The following DNAH12 variants were observed in gnomAD, a reference collection of about 807,000 sequenced individuals.
DNAH12 encodes dynein axonemal heavy chain 12, also known as axonemal beta dynein heavy chain 12.
DNAH12 carries 285 observed loss-of-function variants against 371.5 expected under a neutral mutation model. The observed-to-expected ratio is 0.77, with a 90% CI of 0.70 to 0.85. DNAH12 has a LOEUF of 0.85. Ranked by LOEUF, DNAH12 falls within the 40% of genes least tolerant of loss-of-function variation. The pLI is 0.00. For synonymous variants in DNAH12, 1,200 were observed against 1,213.0 expected, an observed-to-expected ratio of 0.99 and a Z score of 0.22; for missense variants, 3,611 against 3,689.4, an observed-to-expected ratio of 0.98 and a Z score of 0.55.
rs1326237791 is a variant in DNAH12, at chr3:57,389,839, T to TATATATATATATATAAAA, written c.7305+2032_7305+2033insTTTTATATATATATATAT. ...GTGTGTGTGTATATATATATATATATAATACTTTTTTTTTTGAAATGGAGT... is the reference window on the plus strand; with the variant it reads ...GTGTGTGTGTATATATATATATATATATATATATATATATAAAAAATACTTTTTTTTTTGAAATGGAGT... On this transcript the variant is annotated intron_variant, in intron 45 of 73. Coordinates refer to ENST00000495027, the MANE Select transcript of DNAH12 (RefSeq NM_001366028.2). 5.1e-4 allele frequency among the ~76,000 whole-genome samples: 43 copies of TATATATATATATATAAAA among 84,866 alleles called. 2 individuals are homozygous for TATATATATATATATAAAA. Among genetic ancestry groups the TATATATATATATATAAAA allele is most frequent in the Admixed American group, 2.7e-3 (21 of 7,846 alleles). 55.7% of individuals were successfully genotyped at this position (84,866 alleles called of 152,430 possible).
rs2065453667 is a variant in DNAH12 at position 57,445,405 on chromosome 3, T to C, written c.4194A>G (p.Thr1398=). Residue 1398 remains threonine, a synonymous_variant, in exon 28 of 74, where the codon ACA becomes ACG. Transcript: ENST00000495027. ...CATAGTTTGGAACCATCATAGCCAC[T>C]GTTCTAAAAAGAACCTGAAGTATAA... ...LPDNLKVLFR[T]VAMMVPNYAL... is the part of the protein sequence containing the mutation. 1 of 1,523,056 alleles carries C rather than the reference T, an allele frequency of 6.6e-7. No homozygotes were observed. 94.3% of individuals were successfully genotyped at this position (1,523,056 alleles called of 1,614,324 possible). A position where few individuals can be genotyped will look rare whatever the true frequency, so the allele number is the denominator to read the frequency against.
At position 57,500,807 on chromosome 3, in the gene DNAH12, G is replaced by T. The variant is rs115259666; in HGVS notation, c.1335+514C>A. ...TGTCTCGCCCTGTTGCCCAGCTGGA[G>T]TACAGTGGTGCAATCAGAGCTCACT... On this transcript the variant is annotated intron_variant, in intron 11 of 73. Coordinates refer to ENST00000495027, the MANE Select transcript of DNAH12 (RefSeq NM_001366028.2). 2.7e-3 allele frequency among the ~76,000 whole-genome samples: 406 copies of T among 152,208 alleles called. 5 individuals carry two copies. Among genetic ancestry groups the T allele is most frequent in the African/African-American group, 9.2e-3 (384 of 41,532 alleles).
At position 57,468,867 on chromosome 3, in the gene DNAH12, T is replaced by C; in HGVS notation, c.2218A>G (p.Lys740Glu). 1 of 1,526,046 alleles carries C rather than the reference T, an allele frequency of 6.6e-7. No homozygotes were observed. The highest frequency in any genetic ancestry group is 8.8e-7 in the Non-Finnish European group (1 of 1,141,182). The allele number at this position is 1,526,046 out of a possible 1,614,324, so 94.5% of individuals were successfully genotyped here. The change falls in exon 17 of 74, where the codon AAA becomes GAA. Residue 740 changes from lysine (K) to glutamate (E), a missense_variant. This residue lies in a region of DNAH12 where 1,314 missense variants were observed against 1,398.7 expected (regional missense o/e 0.94). Transcript: ENST00000495027. ...GCCTTTCTTTTTTCTTGTAATTCTT[T>C]CTTTAGCTTCGTTTGGAAAAATTTT... is the stretch of plus-strand genomic sequence containing the variant. ...TLKFFQTKLK[K>E]ELQEKRKAAR...
At chr3:57,331,203 C>A (rs1159973539) in intron 62 of DNAH12, among the ~76,000 whole-genome samples, 1 of 152,120 alleles carries the variant, frequency 6.6e-6, no homozygotes, top group East Asian at 1.9e-4. Flanking sequence ...GGTATATAAG[C>A]ACAGGCTTCC....
intron 5 of DNAH12, among the ~76,000 whole-genome samples, chr3:57,510,242 T>G (rs1422246448): frequency 6.6e-6 from 1 of 151,738 alleles, no homozygotes; most frequent in African/African-American, 2.4e-5. Flanking sequence ...CAAAGAGAAG[T>G]TAGCTAATAA....
chr3:57,500,761 T>C (rs1293655948), intron 11 of DNAH12, among the ~76,000 whole-genome samples: 1 of 152,066 alleles, frequency 6.6e-6, no homozygotes, highest in East Asian at 1.9e-4. Flanking sequence ...AGACAGTGCT[T>C]ATGCCTTTTT....
chr3:57,468,954 G>A lies in DNAH12; in HGVS notation c.2131C>T (p.Leu711Phe). Residue 711 changes from leucine (L) to phenylalanine (F), a missense_variant, in exon 17 of 74, where the codon CTC (leucine) becomes TTC (phenylalanine). By Grantham distance (22) the Leu-to-Phe change is conservative. Transcript: ENST00000495027. ...TCAGCCTCCATGCTTTCCCCATTGA[G>A]GTCCAAAAACCCTCCATCCATCCAC... ...KRWMDGGFLD[L>F]NGESMEADVE... 2 of 1,504,452 alleles carry A rather than the reference G, an allele frequency of 1.3e-6. No homozygotes were observed. Among genetic ancestry groups the A allele is most frequent in the East Asian group, 2.6e-5 (1 of 38,932 alleles). 93.2% of individuals were successfully genotyped at this position (1,504,452 alleles called of 1,614,324 possible). A position where few individuals can be genotyped will look rare whatever the true frequency, so the allele number is the denominator to read the frequency against.
chr3:57,542,641 T>TGTTTTAGGA, intron 2 of DNAH12, 60 bp downstream of exon 2: 3 of 1,512,162 alleles, frequency 2.0e-6, no homozygotes, highest in Non-Finnish European at 2.6e-6. Context: ...TAGGAGAATA[T>TGTTTTAGGA]GAACACTAAT....
In DNAH12 at chr3:57,375,375, G is replaced by C. The variant is rs904246617; in HGVS notation, c.8755C>G (p.Arg2919Gly). The C allele has an allele frequency of 2.0e-5, 3 of 151,992 alleles. No homozygotes were observed. The highest frequency in any genetic ancestry group is 4.4e-5 in the Non-Finnish European group (3 of 67,968). The allele number at this position is 151,992 out of a possible 1,614,324, so 9.4% of individuals were successfully genotyped here. A position where few individuals can be genotyped will look rare whatever the true frequency, so the allele number is the denominator to read the frequency against. ...DNGVIVNNCR[R>G]WPLMIDPQGQ... ...CAAATAGTTTATATTTCTTACCAAC[G>C]CCTACAGTTGTTAACGATCACTCCG... Residue 2919 changes from arginine (R) to glycine (G), a missense_variant, in exon 55 of 74, where the codon CGT (arginine) becomes GGT (glycine). This residue lies in a region of DNAH12 where 2,266 missense variants were observed against 2,236.9 expected (regional missense o/e 1.01). Coordinates refer to ENST00000495027, the MANE Select transcript of DNAH12 (RefSeq NM_001366028.2).
chr3:57,330,221 C>T (rs1302692904), intron 62 of DNAH12, among the ~76,000 whole-genome samples: 1 of 151,396 alleles, frequency 6.6e-6, no homozygotes, highest in African/African-American at 2.4e-5. Flanking sequence ...GGGTATATAC[C>T]CAAAGGACTA....
intron 4 of DNAH12, among the ~76,000 whole-genome samples, chr3:57,512,950 A>G (rs1348854704): frequency 1.3e-5 from 2 of 152,138 alleles, no homozygotes; most frequent in Non-Finnish European, 2.9e-5. Flanking sequence ...CAGCCTGGTC[A>G]AGATGGTGAA....
chr3:57,332,601 A>T (rs191652304), intron 62 of DNAH12, among the ~76,000 whole-genome samples: 1 of 152,336 alleles, frequency 6.6e-6, no homozygotes, highest in East Asian at 1.9e-4. Context: ...TGAGTTGCAA[A>T]AACAAGAAAA....
chr3:57,314,703 A>G, intron 65 of DNAH12, 72 bp from the exon 66 acceptor site: 2 of 1,421,986 alleles, frequency 1.4e-6, no homozygotes, highest in Non-Finnish European at 1.9e-6. Flanking sequence ...AGAGGAATAG[A>G]TAAATGATCT....
intron 57 of DNAH12, among the ~76,000 whole-genome samples, chr3:57,365,418 T>C (rs2063028742): frequency 6.6e-6 from 1 of 152,114 alleles, no homozygotes; most frequent in South Asian, 2.1e-4. Context: ...TATGAACACG[T>C]AGACACAGGG....
chr3:57,460,523 G>C (rs971452456), intron 19 of DNAH12, among the ~76,000 whole-genome samples: 2 of 151,932 alleles, frequency 1.3e-5, no homozygotes, highest in African/African-American at 4.8e-5. Context: ...AAATCTCTAC[G>C]ACAGCTTTTA....
intron 46 of DNAH12, 85 bp downstream of exon 46, chr3:57,387,001 A>G (rs2063510625): frequency 1.3e-5 from 2 of 152,228 alleles, no homozygotes; most frequent in African/African-American, 4.8e-5. Context: ...GGGATAGCAG[A>G]TAAGATAGCA....
At chr3:57,432,810 T>C (rs1410008428) in intron 32 of DNAH12, among the ~76,000 whole-genome samples, 1 of 152,160 alleles carries the variant, frequency 6.6e-6, no homozygotes, top group Non-Finnish European at 1.5e-5. Flanking sequence ...AAATTTCATG[T>C]GTCATTTTTT....
chr3:57,444,625 A>C (rs1254942108), intron 29 of DNAH12, 72 bp downstream of exon 29: 3 of 1,526,266 alleles, frequency 2.0e-6, no homozygotes, highest in Non-Finnish European at 2.6e-6. Context: ...CACATTAATA[A>C]ATCTTGGTAA....
intron 40 of DNAH12, among the ~76,000 whole-genome samples, chr3:57,407,568 T>C (rs1291531907): frequency 1.3e-5 from 2 of 152,184 alleles, no homozygotes; most frequent in African/African-American, 2.4e-5. Context: ...CTGCTTCCTG[T>C]TGCAGTGATC....
Sources: allele counts gnomAD v4.1 joint callset (sites outside exome capture counted in the v4.1 genomes callset), GRCh38; gene constraint gnomAD v4.1.1; regional missense constraint gnomAD v4.1.1; transcripts MANE v1.5; gene names NCBI Gene and HGNC (gene_info 2026-07-23, HGNC 2026-07-21).